The following C2CD3 variants were observed in gnomAD, a reference collection of about 807,000 sequenced individuals.
The protein encoded by C2CD3 is C2 domain-containing protein 3.
C2CD3 carries 148 observed loss-of-function variants against 234.0 expected under a neutral mutation model. The ratio of observed to expected loss-of-function variants is 0.63; its 90% CI spans 0.55 to 0.72. The LOEUF is 0.72. Among genes scored for constraint, C2CD3 ranks in the 30% least tolerant of loss-of-function variants. The pLI is 0.00. For synonymous variants in C2CD3, 1,000 were observed against 1,035.4 expected, an observed-to-expected ratio of 0.97 and a Z score of 0.66; for missense variants, 2,577 against 2,811.5, an observed-to-expected ratio of 0.92 and a Z score of 1.89.
At chr11:74,050,718 C>G (rs1222580930) in intron 26 of C2CD3, among the ~76,000 whole-genome samples, 7 of 147,138 alleles carry the variant, frequency 4.8e-5, no homozygotes, top group African/African-American at 1.4e-4. Flanking sequence ...TTTGTTTGGA[C>G]AGCTTGCTGT....
At chr11:74,120,927 G>C (rs1957189312) in intron 8 of C2CD3, among the ~76,000 whole-genome samples, 1 of 151,940 alleles carries the variant, frequency 6.6e-6, no homozygotes, top group African/African-American at 2.4e-5. Context: ...GGAGGCCAAG[G>C]CAGGAGAATT....
rs928518989 is a variant in C2CD3 at position 74,013,363 on chromosome 11, C to T, written c.*22G>A. The T allele has an allele frequency of 3.6e-5, 29 of 801,896 alleles. No individual in the cohort carries two copies. Among genetic ancestry groups the T allele is most frequent in the African/African-American group, 7.2e-5 (4 of 55,238 alleles). 49.7% of individuals were successfully genotyped at this position (801,896 alleles called of 1,614,324 possible). ...ACGGAGGGTGGGCAGGTGTCTCCTTCCCCCCAGCCCCTCAGGCTGCGTCAG... is the reference window on the plus strand; with the variant it reads ...ACGGAGGGTGGGCAGGTGTCTCCTTTCCCCCAGCCCCTCAGGCTGCGTCAG... On this transcript the variant is annotated 3_prime_UTR_variant, in exon 33 of 33. Transcript: ENST00000334126.
At chr11:74,061,751 AG>A (rs1383966461) in intron 24 of C2CD3, among the ~76,000 whole-genome samples, 1 of 152,216 alleles carries the variant, frequency 6.6e-6, no homozygotes, top group African/African-American at 2.4e-5. Flanking sequence ...TCATAATGAC[AG>A]GATCAAATTC....
At chr11:74,109,587 CCTACCTTCTGGACACTCTTA>C (rs1463444104) in intron 11 of C2CD3, 1 of 152,920 alleles carries the variant, frequency 6.5e-6, no homozygotes, top group Non-Finnish European at 1.5e-5. Context: ...CAAAAATAAG[CCTACCTTCTGGACACTCTTA>C]CTGTCACAAA....
At chr11:74,061,728 T>C (rs4537786) in intron 24 of C2CD3, among the ~76,000 whole-genome samples, 27,450 of 152,060 alleles carry the variant, frequency 0.18, 2,674 homozygotes, top group East Asian at 0.3. Context: ...ACGAGCAAAA[T>C]AATCAGCTAA....
chr11:74,046,105 ATATT>A (rs1953360291), intron 28 of C2CD3, among the ~76,000 whole-genome samples: 2 of 152,216 alleles, frequency 1.3e-5, no homozygotes, highest in Admixed American at 6.5e-5. Flanking sequence ...TAAACTTTAC[ATATT>A]TAAAGAATAC....
At position 74,033,825 on chromosome 11, in the gene C2CD3, C is replaced by G. The variant is rs1952615375; in HGVS notation, c.6335G>C (p.Cys2112Ser). 2 of 1,536,194 alleles carry G rather than the reference C, an allele frequency of 1.3e-6. No individual in the cohort carries two copies. Among genetic ancestry groups the G allele is most frequent in the South Asian group, 2.4e-5 (2 of 84,056 alleles). Residue 2112 changes from cysteine to serine, a missense_variant, in exon 31 of 33, where the codon TGT becomes TCT. Physicochemically the swap from Cys to Ser is moderately radical, Grantham distance 112. Transcript: ENST00000334126. ...PDEVQREGPSCPSPGPFCREE... is the reference protein window; with the variant it reads ...PDEVQREGPSSPSPGPFCREE... ...TCTGCAGAAAGGCCCTGGAGAAGGA[C>G]AAGAGGGGCCTTCCCTCTGCACCTC...
intron 2 of C2CD3, chr11:74,164,959 TGCTC>T: frequency 6.6e-6 from 1 of 152,106 alleles, no homozygotes; most frequent in African/African-American, 2.4e-5. Flanking sequence ...TATTCCCAGT[TGCTC>T]AGGAGGCTGA....
At chr11:74,127,556 T>TATG (rs1406143278) in intron 7 of C2CD3, among the ~76,000 whole-genome samples, 1 of 152,102 alleles carries the variant, frequency 6.6e-6, no homozygotes, top group African/African-American at 2.4e-5. Context: ...TACATAGATG[T>TATG]ATGTTGTAGT....
chr11:74,078,669 G>C lies in C2CD3; in HGVS notation c.4049C>G (p.Pro1350Arg), dbSNP rs754449766. The C allele has an allele frequency of 6.2e-7, 1 of 1,613,522 alleles. No individual in the cohort carries two copies. Among genetic ancestry groups the C allele is most frequent in the Non-Finnish European group, 8.5e-7 (1 of 1,179,772 alleles). Residue 1350 changes from proline to arginine, a missense_variant, in exon 23 of 33, where the codon CCT (proline) becomes CGT (arginine). Physicochemically the swap from Pro to Arg is moderately radical, Grantham distance 103. Coordinates refer to ENST00000334126, the MANE Select transcript of C2CD3 (RefSeq NM_001286577.2). The part of the protein sequence containing the change: ...PIILPEDGGL[P>R]HGLELMQKIV... ...CTTCTGCATGAGCTCCAGGCCATGA[G>C]GTAGGCCCCCGTCTTCTGGTAAAAT...
chr11:74,091,085 A>C (rs1171599320), intron 19 of C2CD3, 149 bp from the exon 20 acceptor site: 2 of 729,704 alleles, frequency 2.7e-6, no homozygotes, highest in African/African-American at 1.8e-5. Flanking sequence ...TCATAATCAC[A>C]TTGTTATTCT....
At chr11:74,143,786 A>T (rs1565341895) in intron 3 of C2CD3, among the ~76,000 whole-genome samples, 2 of 152,046 alleles carry the variant, frequency 1.3e-5, no homozygotes, top group Non-Finnish European at 2.9e-5. Flanking sequence ...TATTAAGGTG[A>T]TGCAGGCCTT....
chr11:74,153,631 A>G (rs1176130379), intron 3 of C2CD3, among the ~76,000 whole-genome samples: 1 of 152,218 alleles, frequency 6.6e-6, no homozygotes, highest in Non-Finnish European at 1.5e-5. Flanking sequence ...TTTTATCTGT[A>G]TATTGTACAG....
intron 2 of C2CD3, among the ~76,000 whole-genome samples, chr11:74,166,088 A>C (rs948990142): frequency 6.6e-6 from 1 of 152,080 alleles, no homozygotes; most frequent in African/African-American, 2.4e-5. Flanking sequence ...AGGCGAGCAG[A>C]TCGTGAGATC....
chr11:74,025,928 G>A (rs1027581650), intron 32 of C2CD3, among the ~76,000 whole-genome samples: 1 of 152,124 alleles, frequency 6.6e-6, no homozygotes, highest in Admixed American at 6.5e-5. Context: ...ACAGCCCTAT[G>A]ACCCCAGCAT....
intron 20 of C2CD3, among the ~76,000 whole-genome samples, chr11:74,087,451 G>C (rs1296337599): frequency 6.6e-6 from 1 of 151,986 alleles, no homozygotes. Context: ...TGTAATCCCA[G>C]CTACTCAGAG....
At chr11:74,014,980 CT>C (rs1250247620) in intron 32 of C2CD3, among the ~76,000 whole-genome samples, 52 of 152,380 alleles carry the variant, frequency 3.4e-4, no homozygotes, top group African/African-American at 1.2e-3. Context: ...GAAGATCTAT[CT>C]CCCTGCCTTC....
At chr11:74,015,664 T>C (rs1951852448) in intron 32 of C2CD3, among the ~76,000 whole-genome samples, 1 of 152,178 alleles carries the variant, frequency 6.6e-6, no homozygotes, top group African/African-American at 2.4e-5. Context: ...AACCAGGCAT[T>C]TGTTTCCCCA....
chr11:74,142,996 C>A (rs1854908804), intron 3 of C2CD3, among the ~76,000 whole-genome samples: 1 of 152,144 alleles, frequency 6.6e-6, no homozygotes, highest in Admixed American at 6.5e-5. Flanking sequence ...AAAGTCTCTT[C>A]CAATAGAAAC....
Sources: allele counts gnomAD v4.1 joint callset (sites outside exome capture counted in the v4.1 genomes callset), GRCh38; gene constraint gnomAD v4.1.1; transcripts MANE v1.5; gene names NCBI Gene and HGNC (gene_info 2026-07-23, HGNC 2026-07-21).